Variants in NR3C1 observed in about 807,000 individuals in gnomAD.
The protein encoded by NR3C1 is nuclear receptor subfamily 3 group C member 1.
In NR3C1, 14 loss-of-function variants were observed where a neutral mutation model predicts 74.0. The observed-to-expected ratio is 0.19, with a 90% confidence interval of 0.12 to 0.30. NR3C1 has a LOEUF of 0.30. Among genes scored for constraint, NR3C1 ranks in the 10% least tolerant of loss-of-function variants. NR3C1 has a pLI of 1.00. For missense variants in NR3C1, 695 were observed against 909.8 expected (o/e 0.76, Z 3.04); for synonymous variants, 308 against 332.5 (o/e 0.93, Z 0.80).
At chr5:143,400,988 G>C (rs1840163099) in intron 1 of NR3C1, 136 bp from the exon 2 acceptor site, 1 of 738,508 alleles carries the variant, frequency 1.4e-6, no homozygotes, top group Non-Finnish European at 2.3e-6. Flanking sequence ...TTTGTTACCA[G>C]AAGAGTAGTT....
chr5:143,372,117 C>T (rs141849999), intron 2 of NR3C1, among the ~76,000 whole-genome samples: 40 of 152,278 alleles, frequency 2.6e-4, no homozygotes, highest in African/African-American at 7.0e-4. Flanking sequence ...AAAACCAGCA[C>T]GCATTTCTTT....
chr5:143,402,717 G>T, intron 1 of NR3C1: 1 of 985,288 alleles, frequency 1.0e-6, no homozygotes, highest in Non-Finnish European at 1.2e-6. Flanking sequence ...CGCCCCGCAC[G>T]CCCTCCTCAA....
chr5:143,429,159 T>G (rs1339915401), intron 1 of NR3C1, among the ~76,000 whole-genome samples: 1 of 152,214 alleles, frequency 6.6e-6, no homozygotes, highest in Non-Finnish European at 1.5e-5. Context: ...TACCACCATC[T>G]TATCTCATCC....
chr5:143,405,601 G>T (rs929999126), upstream of NR3C1, among the ~76,000 whole-genome samples: 9 of 152,146 alleles, frequency 5.9e-5, no homozygotes, highest in African/African-American at 2.2e-4. Flanking sequence ...GTCCGGAGAC[G>T]ATCTACGGGG....
At chr5:143,290,066 T>C (rs1438739150) in intron 7 of NR3C1, among the ~76,000 whole-genome samples, 8 of 152,256 alleles carry the variant, frequency 5.3e-5, no homozygotes, top group Non-Finnish European at 1.5e-5. Flanking sequence ...TTTATCTAAG[T>C]ATTCTTGTTC....
intron 1 of NR3C1, chr5:143,402,567 A>G: frequency 2.0e-6 from 2 of 983,990 alleles, no homozygotes; most frequent in Non-Finnish European, 2.4e-6. Flanking sequence ...GAGAAGAGAA[A>G]AAAGTGCGAG....
Position 143,300,707 on chromosome 5 carries a change from G to C in NR3C1, c.1525C>G (p.Gln509Glu), listed in dbSNP as rs1175659442. 1 of 1,614,164 alleles carries C rather than the reference G, an allele frequency of 6.2e-7. No individual in the cohort carries two copies. The highest frequency in any genetic ancestry group is 8.5e-7 in the Non-Finnish European group (1 of 1,180,002). The change falls in exon 5 of 9, where the codon CAA (glutamine) becomes GAA (glutamate). Residue 509 changes from glutamine to glutamate, a missense_variant. Gln to Glu is a conservative substitution (Grantham distance 29). Around this residue, in one of 4 missense-constraint regions of NR3C1, gnomAD observed 42 missense variants for 49.3 expected, o/e 0.85. Transcript: ENST00000394464. This position sits in a 1 kb window ranked among gnomAD's most constrained non-coding sequence, Gnocchi z 5.2. Reference sequence around the variant, plus strand: ...TTACCAGGATTTTCAGAGGTTTCTTGTGAGACTCCTGTAGTGGCCTGCTGA... The same window carrying C: ...TTACCAGGATTTTCAGAGGTTTCTTCTGAGACTCCTGTAGTGGCCTGCTGA... ...GIQQATTGVSQETSENPGNKT... is the reference protein window; with the variant it reads ...GIQQATTGVSEETSENPGNKT...
upstream of NR3C1, chr5:143,404,037 T>C (rs10482604): frequency 1.3e-3 from 1,318 of 985,386 alleles, 11 homozygotes; most frequent in East Asian, 0.025. Context: ...TCCAGTTTCT[T>C]TTCTCGCTAC....
intron 1 of NR3C1, chr5:143,401,145 G>C (rs1182292507): frequency 7.2e-6 from 3 of 414,074 alleles, no homozygotes; most frequent in Non-Finnish European, 9.0e-6. Context: ...TGAACGTGTA[G>C]CTTTGTTAAT....
chr5:143,308,888 C>T (rs1219180109), intron 4 of NR3C1, among the ~76,000 whole-genome samples: 2 of 152,100 alleles, frequency 1.3e-5, no homozygotes, highest in South Asian at 2.1e-4. Flanking sequence ...GCTAATTTCA[C>T]AATAAATACT....
At chr5:143,367,992 A>G (rs1479486509) in intron 2 of NR3C1, among the ~76,000 whole-genome samples, 1 of 152,238 alleles carries the variant, frequency 6.6e-6, no homozygotes, top group African/African-American at 2.4e-5. Flanking sequence ...CCCAATTTCA[A>G]AACTTTGTAC....
At chr5:143,407,609 A>G (rs1841158717), upstream of NR3C1, among the ~76,000 whole-genome samples, 1 of 152,220 alleles carries the variant, frequency 6.6e-6, no homozygotes, top group Admixed American at 6.5e-5. Context: ...TGTTGGTTAA[A>G]TGAATGAATG....
intron 2 of NR3C1, among the ~76,000 whole-genome samples, chr5:143,316,914 C>A (rs1189738767): frequency 2.6e-5 from 4 of 152,066 alleles, no homozygotes; most frequent in African/African-American, 4.8e-5. Context: ...ATGTTCAGGC[C>A]ACTCAACTGT....
intron 2 of NR3C1, among the ~76,000 whole-genome samples, chr5:143,326,520 T>A (rs1156249025): frequency 6.6e-6 from 1 of 152,230 alleles, no homozygotes; most frequent in Admixed American, 6.5e-5. Flanking sequence ...TAAATTAACA[T>A]GAAGACTACA....
At chr5:143,286,427 C>G (rs189676242) in intron 7 of NR3C1, among the ~76,000 whole-genome samples, 1 of 151,890 alleles carries the variant, frequency 6.6e-6, no homozygotes, top group Non-Finnish European at 1.5e-5. Flanking sequence ...GATTTATCCC[C>G]GGAATGAAAG....
chr5:143,379,541 AT>A (rs772160263), intron 2 of NR3C1, among the ~76,000 whole-genome samples: 1 of 152,190 alleles, frequency 6.6e-6, no homozygotes, highest in African/African-American at 2.4e-5. Flanking sequence ...TCGCAAAAAA[AT>A]AAAAATAAAA....
chr5:143,343,926 A>C (rs1361815119), intron 2 of NR3C1, among the ~76,000 whole-genome samples: 2 of 152,208 alleles, frequency 1.3e-5, no homozygotes, highest in African/African-American at 4.8e-5. Flanking sequence ...AATCTCATTC[A>C]CTCAATTTTT....
chr5:143,302,395 A>G (rs1818682516), intron 4 of NR3C1, among the ~76,000 whole-genome samples: 1 of 152,090 alleles, frequency 6.6e-6, no homozygotes, highest in Non-Finnish European at 1.5e-5. Context: ...TCTTTAAACA[A>G]CCAGAAGTAT....
At chr5:143,426,601 C>T (rs975835627) in intron 1 of NR3C1, among the ~76,000 whole-genome samples, 1 of 152,232 alleles carries the variant, frequency 6.6e-6, no homozygotes, top group Non-Finnish European at 1.5e-5. Context: ...GAAGGCCAAG[C>T]TTAAAGGACT....
Sources: allele counts gnomAD v4.1 joint callset (sites outside exome capture counted in the v4.1 genomes callset), GRCh38; gene constraint gnomAD v4.1.1; regional missense constraint gnomAD v4.1.1; non-coding constraint Gnocchi (gnomAD v3.1); transcripts MANE v1.5; gene names NCBI Gene and HGNC (gene_info 2026-07-23, HGNC 2026-07-21).